The following FHIT variants were observed in gnomAD, a reference collection of about 807,000 sequenced individuals.
FHIT encodes the protein bis(5'-adenosyl)-triphosphatase.
FHIT carries 19 observed loss-of-function variants against 17.9 expected under a neutral mutation model. The observed-to-expected ratio is 1.06, with a 90% CI of 0.74 to 1.56. The LOEUF (loss-of-function observed/expected upper bound fraction) is 1.56, where lower values mean the gene tolerates loss of function less well. Ranked by LOEUF, FHIT falls within the 40% of genes most tolerant of loss-of-function variation. FHIT has a pLI of 0.00. For missense variants in FHIT, 248 were observed against 189.2 expected (o/e 1.31, Z -1.82); for synonymous variants, 81 against 69.7 (o/e 1.16, Z -0.81).
intron 4 of FHIT, among the ~76,000 whole-genome samples, chr3:60,728,222 T>C (rs2041957187): frequency 6.6e-6 from 1 of 152,206 alleles, no homozygotes; most frequent in Non-Finnish European, 1.5e-5. Flanking sequence ...ATGAGATACA[T>C]ACACATTGCT....
intron 2 of FHIT, among the ~76,000 whole-genome samples, chr3:61,074,940 T>C (rs9831013): frequency 0.021 from 3,266 of 152,208 alleles, 99 homozygotes; most frequent in African/African-American, 0.073. Flanking sequence ...AAACGTTCTG[T>C]GTAAAGGATA....
intron 4 of FHIT, among the ~76,000 whole-genome samples, chr3:60,708,281 C>T (rs1467496524): frequency 6.6e-6 from 1 of 152,110 alleles, no homozygotes; most frequent in Non-Finnish European, 1.5e-5. Flanking sequence ...GGGCAATTTG[C>T]CAGAGGAATC....
At chr3:60,774,770 C>T (rs964078405) in intron 4 of FHIT, among the ~76,000 whole-genome samples, 2 of 152,102 alleles carry the variant, frequency 1.3e-5, no homozygotes, top group African/African-American at 2.4e-5. Flanking sequence ...ACAGAGCTAG[C>T]TATAATGTCA....
chr3:60,275,095 G>C (rs1377838196), intron 5 of FHIT, among the ~76,000 whole-genome samples: 1 of 151,952 alleles, frequency 6.6e-6, no homozygotes, highest in Non-Finnish European at 1.5e-5. Flanking sequence ...AAGGATTCAA[G>C]TTCATTTATT....
At chr3:60,896,796 C>T (rs894211878) in intron 3 of FHIT, among the ~76,000 whole-genome samples, 8 of 152,138 alleles carry the variant, frequency 5.3e-5, no homozygotes, top group African/African-American at 1.9e-4. Flanking sequence ...TTTCCCCCAT[C>T]TTGTTATTTA....
chr3:60,380,805 T>C (rs1700766783), intron 5 of FHIT, among the ~76,000 whole-genome samples: 1 of 152,230 alleles, frequency 6.6e-6, no homozygotes, highest in Admixed American at 6.5e-5. Context: ...TAGACCATTT[T>C]ATCCATCATA....
At chr3:60,784,686 G>A (rs1328532527) in intron 4 of FHIT, among the ~76,000 whole-genome samples, 2 of 152,136 alleles carry the variant, frequency 1.3e-5, no homozygotes, top group Non-Finnish European at 2.9e-5. Flanking sequence ...TAAAGCCTAG[G>A]GGAGGTTATG....
At chr3:60,649,757 T>G (rs2039948607) in intron 4 of FHIT, among the ~76,000 whole-genome samples, 1 of 152,164 alleles carries the variant, frequency 6.6e-6, no homozygotes, top group Non-Finnish European at 1.5e-5. Flanking sequence ...TTTTTAAATT[T>G]TAATTGTTAT....
chr3:60,973,717 G>GAAA (rs978999454), intron 3 of FHIT, among the ~76,000 whole-genome samples: 2 of 152,132 alleles, frequency 1.3e-5, no homozygotes, highest in African/African-American at 2.4e-5. Context: ...TGTAGTAATG[G>GAAA]AAAACAAAGA....
At chr3:60,327,019 T>C (rs1709725045) in intron 5 of FHIT, among the ~76,000 whole-genome samples, 2 of 152,196 alleles carry the variant, frequency 1.3e-5, no homozygotes, top group Middle Eastern at 3.4e-3. Flanking sequence ...GCCAGGAAAA[T>C]GAGGATCCAG....
At chr3:59,919,128 GA>G (rs1280423694) in intron 8 of FHIT, among the ~76,000 whole-genome samples, 1 of 152,156 alleles carries the variant, frequency 6.6e-6, no homozygotes, top group African/African-American at 2.4e-5. Flanking sequence ...TGTAAAACCT[GA>G]AAATGGCGGT....
At chr3:61,101,534 C>A (rs1441818183) in intron 2 of FHIT, among the ~76,000 whole-genome samples, 1 of 152,070 alleles carries the variant, frequency 6.6e-6, no homozygotes, top group Admixed American at 6.6e-5. Context: ...ATTGTCTTGG[C>A]AATGCAGGCT....
chr3:60,983,297 G>T (rs1490955938), intron 3 of FHIT, among the ~76,000 whole-genome samples: 1 of 152,120 alleles, frequency 6.6e-6, no homozygotes, highest in Non-Finnish European at 1.5e-5. Context: ...AGAAGGAAAT[G>T]AGGAAGGGAC....
At chr3:60,098,838 C>G (rs1201654743) in intron 5 of FHIT, among the ~76,000 whole-genome samples, 1 of 152,104 alleles carries the variant, frequency 6.6e-6, no homozygotes, top group African/African-American at 2.4e-5. Context: ...AAACAGTAGT[C>G]AAATTTTGGG....
chr3:59,927,543 G>A (rs545294715), intron 7 of FHIT, among the ~76,000 whole-genome samples: 26 of 151,708 alleles, frequency 1.7e-4, no homozygotes, highest in South Asian at 1.0e-3. Flanking sequence ...CGAGGCGGGC[G>A]GATCACGAGG....
chr3:60,350,819 C>T (rs542967814), intron 5 of FHIT, among the ~76,000 whole-genome samples: 16 of 152,226 alleles, frequency 1.1e-4, no homozygotes, highest in African/African-American at 3.9e-4. Flanking sequence ...TGATTTGCTT[C>T]CAACCAAAAG....
At chr3:60,380,598 G>A (rs986408814) in intron 5 of FHIT, among the ~76,000 whole-genome samples, 9 of 152,032 alleles carry the variant, frequency 5.9e-5, no homozygotes, top group Admixed American at 3.3e-4. Flanking sequence ...GATTTTAAAA[G>A]CAATGGATTA....
chr3:60,234,757 GT>G (rs1008684750), intron 5 of FHIT, among the ~76,000 whole-genome samples: 45 of 152,128 alleles, frequency 3.0e-4, no homozygotes, highest in African/African-American at 1.0e-3. Flanking sequence ...TCCAAACTGA[GT>G]TTACATTCCC....
At chr3:59,773,539 CCT>C (rs1702166353) in intron 8 of FHIT, among the ~76,000 whole-genome samples, 1 of 152,250 alleles carries the variant, frequency 6.6e-6, no homozygotes, top group African/African-American at 2.4e-5. Flanking sequence ...CCCACTGTTC[CCT>C]GAGTTAGCTC....
Sources: gnomAD v4.1 joint callset for allele counts (sites outside exome capture counted in the v4.1 genomes callset) on GRCh38, gnomAD v4.1.1 for gene constraint, MANE v1.5 for transcripts, NCBI Gene and HGNC (gene_info 2026-07-23, HGNC 2026-07-21) for gene names.